The following GDA variants were observed in gnomAD, a reference collection of about 807,000 sequenced individuals.
GDA encodes cytoplasmic PSD-95 interactor.
GDA carries 18 observed loss-of-function variants against 59.6 expected under a neutral mutation model. The observed-to-expected ratio is 0.30, with a 90% CI of 0.21 to 0.45. GDA has a LOEUF of 0.45. GDA is among the 20% of genes least tolerant of loss of function. The pLI is 1.00. For missense variants in GDA, 427 were observed against 552.3 expected (o/e 0.77, Z 2.27); for synonymous variants, 201 against 201.1 (o/e 1.00, Z 0.00).
chr9:72,174,073 A>G (rs994464049), intron 1 of GDA, among the ~76,000 whole-genome samples: 4 of 152,202 alleles, frequency 2.6e-5, no homozygotes, highest in African/African-American at 9.7e-5. Context: ...CCCTTGTTTA[A>G]AAACTTCTAG....
chr9:72,197,771 G>C (rs1447795775), intron 2 of GDA, among the ~76,000 whole-genome samples: 3 of 152,158 alleles, frequency 2.0e-5, no homozygotes, highest in Non-Finnish European at 2.9e-5. Flanking sequence ...CAAGTTATGT[G>C]CGGTTGAATT....
intron 1 of GDA, among the ~76,000 whole-genome samples, chr9:72,191,280 C>T (rs142222679): frequency 0.012 from 1,852 of 152,194 alleles, 15 homozygotes; most frequent in Non-Finnish European, 0.017. Context: ...TGTTCCAGTA[C>T]TGCATGGCTA....
At position 72,202,723 on chromosome 9, in the gene GDA, A is replaced by G; in HGVS notation, c.365A>G (p.Glu122Gly). The G allele has an allele frequency of 1.2e-6, 2 of 1,613,142 alleles. No homozygotes were observed. Among genetic ancestry groups the G allele is most frequent in the Non-Finnish European group, 1.7e-6 (2 of 1,179,592 alleles). ...HRFQNIDFAE[E>G]VYTRVVRRTL... ...TTCCAGAACATCGACTTTGCAGAAGAAGTATATACCAGAGTTGTCGTAAGT... is the reference window on the plus strand; with the variant it reads ...TTCCAGAACATCGACTTTGCAGAAGGAGTATATACCAGAGTTGTCGTAAGT... Residue 122 changes from glutamate (E) to glycine (G), a missense_variant, in exon 3 of 14, where the codon GAA (glutamate) becomes GGA (glycine). By Grantham distance (98) the Glu-to-Gly change is moderately conservative (BLOSUM62 -2). Coordinates refer to ENST00000358399, the MANE Select transcript of GDA (RefSeq NM_004293.5).
At chr9:72,215,445 C>T (rs1835983328) in intron 5 of GDA, among the ~76,000 whole-genome samples, 1 of 152,118 alleles carries the variant, frequency 6.6e-6, no homozygotes, top group African/African-American at 2.4e-5. Flanking sequence ...ACCTTGGGAA[C>T]AGGAAAGTTG....
intron 3 of GDA, among the ~76,000 whole-genome samples, chr9:72,209,388 C>G (rs1835093531): frequency 6.6e-6 from 1 of 151,882 alleles, no homozygotes; most frequent in African/African-American, 2.4e-5. Flanking sequence ...GTAATTTATC[C>G]TACAACCCTC....
intron 1 of GDA, among the ~76,000 whole-genome samples, chr9:72,181,495 T>C (rs1831210952): frequency 1.3e-5 from 2 of 152,188 alleles, no homozygotes; most frequent in African/African-American, 4.8e-5. Context: ...CAGCTAAGTT[T>C]TGTATTTTTA....
chr9:72,137,176 C>G (rs934469468), intron 1 of GDA, among the ~76,000 whole-genome samples: 1 of 148,118 alleles, frequency 6.8e-6, no homozygotes, highest in Non-Finnish European at 1.5e-5. Context: ...AATTTAGGAT[C>G]CTTAAAAATT....
chr9:72,146,133 A>AG (rs556135996), upstream of GDA, among the ~76,000 whole-genome samples: 1 of 9,008 alleles, frequency 1.1e-4, no homozygotes, highest in Non-Finnish European at 2.3e-4. Context: ...GATAAAGGTG[A>AG]GGGGGGGTTG....
chr9:72,190,790 T>G (rs75914315), intron 1 of GDA, among the ~76,000 whole-genome samples: 9,116 of 147,034 alleles, frequency 0.062, 397 homozygotes, highest in Non-Finnish European at 0.089. Flanking sequence ...ATTTAAGCAT[T>G]TACAGTGGCC....
At chr9:72,219,297 G>A (rs1047341109) in intron 5 of GDA, among the ~76,000 whole-genome samples, 182 bp from the exon 6 acceptor site, 1 of 151,968 alleles carries the variant, frequency 6.6e-6, no homozygotes, top group African/African-American at 2.4e-5. Flanking sequence ...CAGCTACTCG[G>A]GAGGCTGAGG....
Position 72,225,735 on chromosome 9 carries a change from A to G in GDA, c.773A>G (p.Tyr258Cys). Reference sequence around the variant, plus strand: ...GCTGTGAAAAACTTATACCCCAGTTATAAAAACTACACATCTGTGTATGAT... The same window carrying G: ...GCTGTGAAAAACTTATACCCCAGTTGTAAAAACTACACATCTGTGTATGAT... ...VEAVKNLYPS[Y>C]KNYTSVYDKN... is the part of the protein sequence containing the mutation. Residue 258 changes from tyrosine (Y) to cysteine (C), a missense_variant, in exon 8 of 14, where the codon TAT (tyrosine) becomes TGT (cysteine). Physicochemically the swap from Tyr to Cys is radical, Grantham distance 194. Transcript: ENST00000358399. 1 of 1,548,218 alleles carries G rather than the reference A, an allele frequency of 6.5e-7. No individual in the cohort carries two copies. The highest frequency in any genetic ancestry group is 8.9e-7 in the Non-Finnish European group (1 of 1,124,556).
intron 9 of GDA, among the ~76,000 whole-genome samples, chr9:72,229,630 T>C (rs1374801165): frequency 2.0e-5 from 3 of 152,154 alleles, no homozygotes; most frequent in Non-Finnish European, 2.9e-5. Context: ...AGAGTATTAA[T>C]TCCCTGGAAC....
chr9:72,194,527 A>C (rs1832922048), intron 1 of GDA, among the ~76,000 whole-genome samples: 1 of 151,790 alleles, frequency 6.6e-6, no homozygotes. Flanking sequence ...CCTCTCCTCG[A>C]GTGGAAGGAA....
chr9:72,247,614 G>A (rs974835992), intron 13 of GDA, among the ~76,000 whole-genome samples, 181 bp downstream of exon 13: 1 of 152,020 alleles, frequency 6.6e-6, no homozygotes, highest in East Asian at 1.9e-4. Flanking sequence ...ATTATTTAAA[G>A]GTTCTATTTG....
chr9:72,148,320 TGTGTGTG>T (rs1269350169), upstream of GDA, among the ~76,000 whole-genome samples: 13 of 82,744 alleles, frequency 1.6e-4, 1 homozygote, highest in Admixed American at 1.4e-3. Context: ...TGTGTGTGTG[TGTGTGTG>T]TGTGTGTGTG....
intron 10 of GDA, among the ~76,000 whole-genome samples, chr9:72,232,267 T>G (rs369311242): frequency 1.1e-3 from 173 of 152,336 alleles, no homozygotes; most frequent in African/African-American, 2.9e-3. Context: ...TTTTCATCAC[T>G]TTCTGCAGGA....
At chr9:72,245,798 T>G (rs1429703849) in intron 12 of GDA, among the ~76,000 whole-genome samples, 1 of 152,210 alleles carries the variant, frequency 6.6e-6, no homozygotes, top group Non-Finnish European at 1.5e-5. Context: ...GCTATGTCAA[T>G]GTTTTTAATT....
chr9:72,208,164 T>C (rs1834951422), intron 3 of GDA, among the ~76,000 whole-genome samples: 1 of 152,202 alleles, frequency 6.6e-6, no homozygotes, highest in Non-Finnish European at 1.5e-5. Flanking sequence ...TAGAGGCTAC[T>C]GTCTAAGGTA....
At chr9:72,136,908 G>T (rs1826245247) in intron 1 of GDA, among the ~76,000 whole-genome samples, 1 of 152,124 alleles carries the variant, frequency 6.6e-6, no homozygotes, top group African/African-American at 2.4e-5. Flanking sequence ...CCAGGAGGCG[G>T]AACTTGCAGT....
Sources: allele counts gnomAD v4.1 joint callset (sites outside exome capture counted in the v4.1 genomes callset), GRCh38; gene constraint gnomAD v4.1.1; transcripts MANE v1.5; gene names NCBI Gene and HGNC (gene_info 2026-07-23, HGNC 2026-07-21).